The following LRP1B variants were observed in gnomAD, a reference collection of about 807,000 sequenced individuals.
LRP1B encodes low-density lipoprotein receptor-related protein 1B.
LRP1B carries 217 observed loss-of-function variants against 556.6 expected under a neutral mutation model. That is an observed-to-expected ratio of 0.39 (90% CI 0.35 to 0.44). LRP1B has a LOEUF of 0.44. Among genes scored for constraint, LRP1B ranks in the 20% least tolerant of loss-of-function variants. LRP1B has a pLI of 1.00. For synonymous variants in LRP1B, 2,047 were observed against 1,865.8 expected, an observed-to-expected ratio of 1.10 and a Z score of -2.50; for missense variants, 5,053 against 5,620.8, an observed-to-expected ratio of 0.90 and a Z score of 3.23.
chr2:141,504,205 T>G (rs1324707353), intron 2 of LRP1B, among the ~76,000 whole-genome samples: 1 of 152,306 alleles, frequency 6.6e-6, no homozygotes, highest in African/African-American at 2.4e-5. Flanking sequence ...TGAATTGGCT[T>G]ATTTATAGTG....
intron 43 of LRP1B, among the ~76,000 whole-genome samples, chr2:140,593,906 G>T (rs1321708335): frequency 6.6e-6 from 1 of 152,164 alleles, no homozygotes; most frequent in East Asian, 1.9e-4. Flanking sequence ...ATAAATATGA[G>T]TTGTAAGTGT....
intron 1 of LRP1B, among the ~76,000 whole-genome samples, chr2:142,107,465 C>T (rs956705087): frequency 6.6e-6 from 1 of 152,110 alleles, no homozygotes; most frequent in Non-Finnish European, 1.5e-5. Flanking sequence ...AAGGGCCCCA[C>T]CAGATGCTGA....
At chr2:141,854,773 A>T (rs1375356384) in intron 1 of LRP1B, among the ~76,000 whole-genome samples, 1 of 152,078 alleles carries the variant, frequency 6.6e-6, no homozygotes, top group Non-Finnish European at 1.5e-5. Context: ...TACTAATGTA[A>T]ACTCATTTTC....
chr2:140,474,323 C>T (rs1479432088), intron 60 of LRP1B, among the ~76,000 whole-genome samples: 4 of 151,886 alleles, frequency 2.6e-5, no homozygotes, highest in South Asian at 4.1e-4. Context: ...TACCATTTCT[C>T]ATCCTTCCCT....
intron 3 of LRP1B, among the ~76,000 whole-genome samples, chr2:141,279,531 C>T (rs961966492): frequency 9.9e-5 from 15 of 152,042 alleles, no homozygotes; most frequent in Middle Eastern, 3.2e-3. Context: ...AAAACAATTG[C>T]TTGAAAGCAT....
chr2:141,062,971 T>C (rs1293278829), intron 7 of LRP1B, among the ~76,000 whole-genome samples: 1 of 151,876 alleles, frequency 6.6e-6, no homozygotes, highest in African/African-American at 2.4e-5. Context: ...CAACAAATTC[T>C]TTCATACTGT....
At chr2:141,184,385 C>A (rs995301611) in intron 7 of LRP1B, among the ~76,000 whole-genome samples, 1 of 151,936 alleles carries the variant, frequency 6.6e-6, no homozygotes, top group African/African-American at 2.4e-5. Flanking sequence ...AAAAAATCAT[C>A]TGACCTTTCT....
chr2:141,033,173 CTG>C (rs1426084249), intron 11 of LRP1B, among the ~76,000 whole-genome samples: 1 of 151,592 alleles, frequency 6.6e-6, no homozygotes, highest in Non-Finnish European at 1.5e-5. Flanking sequence ...GCTGGGGTAA[CTG>C]TGAGAAAAGA....
intron 2 of LRP1B, among the ~76,000 whole-genome samples, chr2:141,481,513 T>C (rs1682917706): frequency 6.6e-6 from 1 of 152,196 alleles, no homozygotes; most frequent in Admixed American, 6.5e-5. Context: ...CTCTGCCGAA[T>C]CCATGCGACA....
intron 1 of LRP1B, among the ~76,000 whole-genome samples, chr2:141,828,931 T>C (rs2105742416): frequency 6.6e-6 from 1 of 152,196 alleles, no homozygotes; most frequent in Non-Finnish European, 1.5e-5. Flanking sequence ...TATTTGCTAA[T>C]TGTATCACCT....
At chr2:140,629,874 T>A (rs1454481756) in intron 41 of LRP1B, among the ~76,000 whole-genome samples, 1 of 152,108 alleles carries the variant, frequency 6.6e-6, no homozygotes, top group Non-Finnish European at 1.5e-5. Flanking sequence ...ACTAATATAA[T>A]AAAAGAAACA....
At chr2:140,482,697 T>C (rs1416061975) in intron 59 of LRP1B, among the ~76,000 whole-genome samples, 3 of 152,168 alleles carry the variant, frequency 2.0e-5, no homozygotes, top group Admixed American at 6.6e-5. Flanking sequence ...GACATACTGT[T>C]ATTAAAATGA....
chr2:140,732,596 T>C (rs979619534), intron 35 of LRP1B, among the ~76,000 whole-genome samples: 1 of 152,096 alleles, frequency 6.6e-6, no homozygotes, highest in Non-Finnish European at 1.5e-5. Context: ...ATAAGAAGTG[T>C]TGAAGCAGTT....
At chr2:140,350,653 G>A in intron 77 of LRP1B, 144 bp downstream of exon 77, 1 of 681,350 alleles carries the variant, frequency 1.5e-6, no homozygotes, top group Admixed American at 3.7e-5. Flanking sequence ...GTAGAGAAAT[G>A]CATTATTTCT....
In LRP1B at chr2:141,273,719, A is replaced by G. The variant is rs191908928; in HGVS notation, c.344-19078T>C. Among the ~76,000 whole-genome samples the G allele has an allele frequency of 2.0e-5, 3 of 152,308 alleles. No homozygotes were observed. The East Asian group carries it at 5.8e-4, about 29-fold the overall frequency. On this transcript the variant is annotated intron_variant, in intron 3 of 90. Coordinates refer to ENST00000389484, the MANE Select transcript of LRP1B (RefSeq NM_018557.3). Reference sequence around the variant, plus strand: ...AAAATGCACAAGTGACAAAGGAAAAAATACATGCATTGGACTTAACAAAAG... The same window carrying G: ...AAAATGCACAAGTGACAAAGGAAAAGATACATGCATTGGACTTAACAAAAG...
Position 140,850,115 on chromosome 2 carries a change from A to G in LRP1B, c.4926T>C (p.Thr1642=), listed in dbSNP as rs202003733. The G allele has an allele frequency of 3.1e-4, 495 of 1,604,164 alleles. 4 individuals are homozygous for G. In the South Asian group the frequency reaches 5.1e-3, roughly 17 times the overall value. The stretch of plus-strand genomic sequence containing the variant: ...CGAATCTTTTACCTCTTGAAATAAC[A>G]GTTTCTAACCCAGTTCCGTTAATAA... ...RAFINGTGLE[T]VISRDIQSIR... The change falls in exon 29 of 91, where the codon ACT becomes ACC. Residue 1642 remains threonine, a synonymous_variant. Transcript: ENST00000389484.
intron 89 of LRP1B, 27 bp from the exon 90 acceptor site, chr2:140,234,911 TC>T: frequency 2.6e-6 from 2 of 755,304 alleles, no homozygotes; most frequent in Non-Finnish European, 2.4e-6. Flanking sequence ...AATTTTAGTT[TC>T]TGATCTAATA....
At chr2:141,212,875 T>C (rs1682626698) in intron 6 of LRP1B, among the ~76,000 whole-genome samples, 2 of 152,146 alleles carry the variant, frequency 1.3e-5, no homozygotes, top group African/African-American at 2.4e-5. Flanking sequence ...ATTTTTACCA[T>C]AGAGTAATTG....
At chr2:141,868,240 A>G (rs1698477017) in intron 1 of LRP1B, among the ~76,000 whole-genome samples, 1 of 152,086 alleles carries the variant, frequency 6.6e-6, no homozygotes, top group Non-Finnish European at 1.5e-5. Flanking sequence ...CTCTAGTGCT[A>G]CTCGTTCCAG....
Sources: gnomAD v4.1 joint callset for allele counts (sites outside exome capture counted in the v4.1 genomes callset) on GRCh38, gnomAD v4.1.1 for gene constraint, MANE v1.5 for transcripts, NCBI Gene and HGNC (gene_info 2026-07-23, HGNC 2026-07-21) for gene names.